Variants in KLHL22 observed in about 807,000 individuals in gnomAD.
The protein encoded by KLHL22 is kelch-like protein 22.
A neutral mutation model predicts 60.7 loss-of-function variants in KLHL22; 18 were observed. The ratio of observed to expected loss-of-function variants is 0.30; its 90% CI spans 0.20 to 0.44. The LOEUF is 0.44. Ranked by LOEUF, KLHL22 falls within the 20% of genes least tolerant of loss-of-function variation. KLHL22 has a pLI of 1.00. For synonymous variants in KLHL22, 355 were observed against 354.5 expected, an observed-to-expected ratio of 1.00 and a Z score of -0.01; for missense variants, 596 against 852.3, an observed-to-expected ratio of 0.70 and a Z score of 3.74.
At chr22:20,490,297 A>G (rs974505173) in intron 1 of KLHL22, among the ~76,000 whole-genome samples, 12 of 152,164 alleles carry the variant, frequency 7.9e-5, no homozygotes, top group African/African-American at 1.2e-4. Context: ...GCTGGAGGCA[A>G]TTTCCTCAGT....
intron 1 of KLHL22, among the ~76,000 whole-genome samples, chr22:20,492,621 G>A (rs1342336443): frequency 6.8e-6 from 1 of 147,266 alleles, no homozygotes; most frequent in Non-Finnish European, 1.5e-5. Context: ...ACGGAGTCTC[G>A]CTCTGTCACC....
At chr22:20,473,228 G>A (rs1032748322) in intron 2 of KLHL22, among the ~76,000 whole-genome samples, 1 of 152,160 alleles carries the variant, frequency 6.6e-6, no homozygotes, top group African/African-American at 2.4e-5. Context: ...GGAGGGCATT[G>A]CAGCTAGAAA....
intron 3 of KLHL22, among the ~76,000 whole-genome samples, chr22:20,469,964 G>A (rs1282995456): frequency 6.6e-6 from 1 of 152,040 alleles, no homozygotes; most frequent in Non-Finnish European, 1.5e-5. Flanking sequence ...CCACACCACT[G>A]AGAATAATCA....
chr22:20,448,900 CA>C (rs1243990853), intron 5 of KLHL22, among the ~76,000 whole-genome samples: 2 of 152,196 alleles, frequency 1.3e-5, no homozygotes, highest in Admixed American at 1.3e-4. Context: ...TTATTTTAGT[CA>C]TCCTGAGGTA....
intron 2 of KLHL22, among the ~76,000 whole-genome samples, chr22:20,475,779 G>A (rs2053402352): frequency 6.6e-6 from 1 of 152,108 alleles, no homozygotes; most frequent in Non-Finnish European, 1.5e-5. Flanking sequence ...GGCCAGGCTG[G>A]TCTTGAACTC....
In KLHL22 at chr22:20,484,668, A is replaced by G. The variant is rs770838960; in HGVS notation, c.227+4317T>C. 6.2e-4 allele frequency among the ~76,000 whole-genome samples: 93 copies of G among 151,032 alleles called. 2 individuals are homozygous for G. Among genetic ancestry groups the G allele is most frequent in the Non-Finnish European group, 1.2e-3 (79 of 67,912 alleles). ...GCTGGTCTCGAACTCTTGGGCTCAA[A>G]CAATCTGCCCACCTTGGCCTTGCAA... On this transcript the variant is annotated intron_variant, in intron 2 of 6. Coordinates refer to ENST00000328879, the MANE Select transcript of KLHL22 (RefSeq NM_032775.4).
At position 20,441,839 on chromosome 22, in the gene KLHL22, T is replaced by G; in HGVS notation, c.*234A>C. 1 of 408,286 alleles carries G rather than the reference T, an allele frequency of 2.4e-6. No individual in the cohort carries two copies. The highest frequency in any genetic ancestry group is 4.3e-6 in the Non-Finnish European group (1 of 233,362). The allele number at this position is 408,286 out of a possible 1,614,324, so 25.3% of individuals were successfully genotyped here. ...GGGCTCACTGAGGAAGGCCAAAGCCTTTCAGAAGCAGTTCCTGCAGTGACG... is the reference window on the plus strand; with the variant it reads ...GGGCTCACTGAGGAAGGCCAAAGCCGTTCAGAAGCAGTTCCTGCAGTGACG... On this transcript the variant is annotated 3_prime_UTR_variant, in exon 7 of 7. Transcript: ENST00000328879.
Position 20,476,405 on chromosome 22 carries a change from A to AT in KLHL22, c.228-4891dup, listed in dbSNP as rs57189584. ...GGTGTGGGTGCTTGGATTGACACAG[A>AT]TTTTTTTTTTTTTTTTTTTTTTTTT... On this transcript the variant is annotated intron_variant, in intron 2 of 6. Coordinates refer to ENST00000328879, the MANE Select transcript of KLHL22 (RefSeq NM_032775.4). 6.1e-3 allele frequency among the ~76,000 whole-genome samples: 420 copies of AT among 69,342 alleles called. 15 individuals are homozygous for AT. The highest frequency in any genetic ancestry group is 0.019 in the African/African-American group (297 of 15,870). 45.5% of individuals were successfully genotyped at this position (69,342 alleles called of 152,430 possible).
At chr22:20,466,457 T>G (rs555382284) in intron 3 of KLHL22, among the ~76,000 whole-genome samples, 19 of 150,160 alleles carry the variant, frequency 1.3e-4, no homozygotes, top group African/African-American at 4.6e-4. Context: ...GTCATATATC[T>G]GTGGTTTGGA....
chr22:20,454,965 T>C (rs1053720870), intron 5 of KLHL22, among the ~76,000 whole-genome samples: 2 of 152,186 alleles, frequency 1.3e-5, no homozygotes, highest in African/African-American at 4.8e-5. Flanking sequence ...CACTACAACC[T>C]CTGCCTCCCG....
Position 20,441,581 on chromosome 22 carries a change from C to T in KLHL22, c.*492G>A, listed in dbSNP as rs1359366530. 5.8e-6 allele frequency: 1 copy of T among 173,806 alleles called. No homozygotes were observed. Among genetic ancestry groups the T allele is most frequent in the Non-Finnish European group, 1.4e-5 (1 of 71,890 alleles). The allele number at this position is 173,806 out of a possible 1,614,324, so 10.8% of individuals were successfully genotyped here. A position where few individuals can be genotyped will look rare whatever the true frequency, so the allele number is the denominator to read the frequency against. ...GACCAACAACATGGGGTCTGAAAAC[C>T]CAGCGGGAGGGGTCTTTTTATCACA... On this transcript the variant is annotated 3_prime_UTR_variant, in exon 7 of 7. Coordinates refer to ENST00000328879, the MANE Select transcript of KLHL22 (RefSeq NM_032775.4).
At chr22:20,476,977 A>G (rs189685411) in intron 2 of KLHL22, among the ~76,000 whole-genome samples, 344 of 149,870 alleles carry the variant, frequency 2.3e-3, no homozygotes, top group African/African-American at 8.0e-3. Context: ...ATAGTGCTGG[A>G]TTACAGGTGT....
intron 2 of KLHL22, chr22:20,482,802 T>C: frequency 8.3e-7 from 1 of 1,203,846 alleles, no homozygotes. Flanking sequence ...AAGGATACCC[T>C]GCTTCTGGTG....
chr22:20,475,931 T>C (rs1167409412), intron 2 of KLHL22, among the ~76,000 whole-genome samples: 1 of 152,246 alleles, frequency 6.6e-6, no homozygotes, highest in East Asian at 1.9e-4. Flanking sequence ...TACTTTTGTT[T>C]TCGACAATTT....
chr22:20,446,698 A>C, intron 5 of KLHL22, 22 bp from the exon 6 acceptor site: 1 of 1,593,200 alleles, frequency 6.3e-7, no homozygotes, highest in South Asian at 1.1e-5. Context: ...CACCAGGAGA[A>C]ATGGCGTGAG....
rs149300605 is a variant in KLHL22, at chr22:20,442,145, G to A, written c.1833C>T (p.Ala611=). 175 of 1,539,388 alleles carry A rather than the reference G, an allele frequency of 1.1e-4. No homozygotes were observed. The highest frequency in any genetic ancestry group is 2.0e-4 in the Admixed American group (10 of 50,700). ...TCACCTCAGAGGCAAAGTCCGGGTC[G>A]GCCTGGCTGCGGTCAGGGGTCCCGC... The part of the protein sequence containing the change: ...PPRGTPDRSQ[A]DPDFASEVMS... Residue 611 remains alanine, a synonymous_variant, in exon 7 of 7, where the codon GCC becomes GCT. Transcript: ENST00000328879.
rs1406096495 is a variant in KLHL22, at chr22:20,465,199, C to G, written c.771G>C (p.Leu257=). 3 of 1,613,810 alleles carry G rather than the reference C, an allele frequency of 1.9e-6. No individual in the cohort carries two copies. Among genetic ancestry groups the G allele is most frequent in the Admixed American group, 3.3e-5 (2 of 59,996 alleles). The change falls in exon 4 of 7, where the codon CTG becomes CTC. Residue 257 remains leucine, a synonymous_variant. Transcript: ENST00000328879. This position sits in a 1 kb window ranked among gnomAD's most constrained non-coding sequence, Gnocchi z 4.9. ...AAGGGCTGGGGTCCAGCTTGTCATG[C>G]AGCCGCTGCAGGACCTCAGCTTCCA... ...PLMEAEVLQR[L]HDKLDPSPLR... is the part of the protein sequence containing the mutation.
At chr22:20,479,938 T>C (rs1001733983) in intron 2 of KLHL22, among the ~76,000 whole-genome samples, 3 of 152,054 alleles carry the variant, frequency 2.0e-5, no homozygotes, top group African/African-American at 7.2e-5. Flanking sequence ...AGACAAGAGA[T>C]GGAAGCAAAC....
At chr22:20,447,520 C>T (rs2052888294) in intron 5 of KLHL22, among the ~76,000 whole-genome samples, 1 of 150,682 alleles carries the variant, frequency 6.6e-6, no homozygotes, top group South Asian at 2.1e-4. Context: ...CTCCTATCAC[C>T]AGTAGGGGTC....
Sources: allele counts gnomAD v4.1 joint callset (sites outside exome capture counted in the v4.1 genomes callset), GRCh38; gene constraint gnomAD v4.1.1; non-coding constraint Gnocchi (gnomAD v3.1); transcripts MANE v1.5; gene names NCBI Gene and HGNC (gene_info 2026-07-23, HGNC 2026-07-21).